TMEM178B: variants seen among roughly 807,000 people sequenced by gnomAD.
TMEM178B encodes the protein transmembrane protein 178B.
In TMEM178B, 5 loss-of-function variants were observed where a neutral mutation model predicts 31.0. That is an observed-to-expected ratio of 0.16 (90% CI 0.08 to 0.34). The LOEUF is 0.34. Ranked by LOEUF, TMEM178B falls within the 10% of genes least tolerant of loss-of-function variation. TMEM178B has a pLI of 1.00. For synonymous variants in TMEM178B, 164 were observed against 164.0 expected, an observed-to-expected ratio of 1.00 and a Z score of 0.00; for missense variants, 275 against 400.3, an observed-to-expected ratio of 0.69 and a Z score of 2.67.
intron 1 of TMEM178B, among the ~76,000 whole-genome samples, chr7:141,133,076 T>C (rs954163999): frequency 2.0e-5 from 3 of 152,044 alleles, no homozygotes; most frequent in African/African-American, 4.8e-5. Context: ...GATATATCTA[T>C]AGAAAAAGTC....
At chr7:141,290,461 G>A (rs888386999) in intron 2 of TMEM178B, among the ~76,000 whole-genome samples, 8 of 151,836 alleles carry the variant, frequency 5.3e-5, no homozygotes, top group Non-Finnish European at 8.8e-5. Context: ...GCCTCCCTGC[G>A]AACATTTACA....
At chr7:141,085,150 ATTTTTTTTTTT>A (rs61516388) in intron 1 of TMEM178B, among the ~76,000 whole-genome samples, 3 of 74,506 alleles carry the variant, frequency 4.0e-5, no homozygotes, top group Non-Finnish European at 5.2e-5. Flanking sequence ...GCTAATTTGT[ATTTTTTTTTTT>A]TTTTTTTTTT....
chr7:141,093,539 G>A (rs1280190337), intron 1 of TMEM178B, among the ~76,000 whole-genome samples: 1 of 152,330 alleles, frequency 6.6e-6, no homozygotes, highest in African/African-American at 2.4e-5. Flanking sequence ...GGAGTCATCA[G>A]CTCATGGTAC....
intron 1 of TMEM178B, among the ~76,000 whole-genome samples, chr7:141,144,239 G>C (rs1388060172): frequency 6.6e-6 from 1 of 152,090 alleles, no homozygotes; most frequent in African/African-American, 2.4e-5. Flanking sequence ...TCTGGTTAGG[G>C]CTTCCATAAC....
intron 2 of TMEM178B, among the ~76,000 whole-genome samples, chr7:141,368,913 A>G (rs1331103388): frequency 6.6e-6 from 1 of 152,222 alleles, no homozygotes; most frequent in East Asian, 1.9e-4. Context: ...CTGAACAAAG[A>G]AAAATTCTCA....
chr7:141,461,881 GC>G lies in TMEM178B; in HGVS notation c.635-8653del, dbSNP rs1322238121. Reference sequence around the variant, plus strand: ...ACCTTTAAGGTGGTACTAGGAAAGAGCCAATATTGAGTTGGCTGACTAATTC... The same window carrying G: ...ACCTTTAAGGTGGTACTAGGAAAGAGCAATATTGAGTTGGCTGACTAATTC... On this transcript the variant is annotated intron_variant, in intron 3 of 3. Coordinates refer to ENST00000565468, the MANE Select transcript of TMEM178B (RefSeq NM_001195278.2). This position sits in a 1 kb window ranked among gnomAD's most constrained non-coding sequence, Gnocchi z 4.0. Among the ~76,000 whole-genome samples, 1 of 152,186 alleles carries G rather than the reference GC, an allele frequency of 6.6e-6. No homozygotes were observed. The highest frequency in any genetic ancestry group is 1.5e-5 in the Non-Finnish European group (1 of 68,028).
At chr7:141,444,841 G>A (rs764598527) in intron 3 of TMEM178B, among the ~76,000 whole-genome samples, 1 of 151,842 alleles carries the variant, frequency 6.6e-6, no homozygotes, top group Non-Finnish European at 1.5e-5. Context: ...TGTTGAAGAA[G>A]CAGGGGCCCC....
chr7:141,382,270 T>G (rs949273854), intron 2 of TMEM178B, among the ~76,000 whole-genome samples: 1 of 152,198 alleles, frequency 6.6e-6, no homozygotes, highest in Non-Finnish European at 1.5e-5. Flanking sequence ...TTAGGCACTG[T>G]GTTTTTTGGC....
intron 2 of TMEM178B, among the ~76,000 whole-genome samples, chr7:141,286,052 T>C (rs1193194911): frequency 1.3e-5 from 2 of 151,928 alleles, no homozygotes; most frequent in Non-Finnish European, 2.9e-5. Context: ...GTAACAAACC[T>C]GCACGTTCTG....
intron 2 of TMEM178B, among the ~76,000 whole-genome samples, chr7:141,243,829 C>T (rs1234873016): frequency 6.6e-6 from 1 of 152,126 alleles, no homozygotes; most frequent in Non-Finnish European, 1.5e-5. Flanking sequence ...TTTTCATGTT[C>T]CATTTCACTC....
intron 1 of TMEM178B, among the ~76,000 whole-genome samples, chr7:141,146,023 C>G (rs1343868682): frequency 6.6e-6 from 1 of 152,208 alleles, no homozygotes; most frequent in Non-Finnish European, 1.5e-5. Context: ...TGAGTGCTTA[C>G]TATATGCTGA....
At chr7:141,148,738 T>G (rs1353806309) in intron 1 of TMEM178B, among the ~76,000 whole-genome samples, 1 of 152,204 alleles carries the variant, frequency 6.6e-6, no homozygotes, top group Non-Finnish European at 1.5e-5. Context: ...CATATCCTAC[T>G]GAGGGTGACG....
intron 2 of TMEM178B, among the ~76,000 whole-genome samples, chr7:141,328,620 C>T (rs556558034): frequency 2.6e-5 from 4 of 152,276 alleles, no homozygotes; most frequent in African/African-American, 9.6e-5. Flanking sequence ...TCACCCTGTG[C>T]CATATCCTTC....
At chr7:141,152,364 C>A (rs897149256) in intron 1 of TMEM178B, among the ~76,000 whole-genome samples, 1 of 152,182 alleles carries the variant, frequency 6.6e-6, no homozygotes, top group Admixed American at 6.5e-5. Context: ...GAGGAAGGGC[C>A]TCAGAGTTCT....
At chr7:141,401,693 A>G (rs557478908) in intron 2 of TMEM178B, among the ~76,000 whole-genome samples, 8 of 152,304 alleles carry the variant, frequency 5.3e-5, no homozygotes, top group Admixed American at 4.6e-4. Context: ...GGCATGAGCC[A>G]CCGTGCCCAG....
chr7:141,300,689 A>G (rs1161356556), intron 2 of TMEM178B, among the ~76,000 whole-genome samples: 1 of 151,848 alleles, frequency 6.6e-6, no homozygotes, highest in Non-Finnish European at 1.5e-5. Flanking sequence ...GAAAGCTTTT[A>G]TTTCCAACAT....
At chr7:141,392,059 TG>T (rs1800552464) in intron 2 of TMEM178B, among the ~76,000 whole-genome samples, 1 of 139,878 alleles carries the variant, frequency 7.1e-6, no homozygotes, top group Non-Finnish European at 1.6e-5. Flanking sequence ...TGGAATTCTA[TG>T]GTTTTTTTTT....
At chr7:141,241,590 CAAAAAAAAAAA>C (rs766018973) in intron 2 of TMEM178B, among the ~76,000 whole-genome samples, 7 of 75,962 alleles carry the variant, frequency 9.2e-5, no homozygotes, top group East Asian at 4.4e-4. Context: ...GACTTCGTCT[CAAAAAAAAAAA>C]AAAAAAAAAA....
chr7:141,419,140 C>A (rs948807219), intron 2 of TMEM178B, among the ~76,000 whole-genome samples: 2 of 152,124 alleles, frequency 1.3e-5, no homozygotes, highest in African/African-American at 4.8e-5. Context: ...GAACGCCTGA[C>A]CTCAAGTGAT....
Sources: gnomAD v4.1 joint callset for allele counts (sites outside exome capture counted in the v4.1 genomes callset) on GRCh38, gnomAD v4.1.1 for gene constraint, Gnocchi (gnomAD v3.1) non-coding constraint, MANE v1.5 for transcripts, NCBI Gene and HGNC (gene_info 2026-07-23, HGNC 2026-07-21) for gene names.